Variants in SEC31A observed in about 807,000 individuals in gnomAD.
SEC31A encodes protein transport protein Sec31A.
A neutral mutation model predicts 151.0 loss-of-function variants in SEC31A; 70 were observed. That is an observed-to-expected ratio of 0.46 (90% CI 0.38 to 0.57). The LOEUF (loss-of-function observed/expected upper bound fraction) is 0.57. SEC31A is among the 20% of genes least tolerant of loss of function. SEC31A has a pLI of 0.00. For missense variants in SEC31A, 1,330 were observed against 1,471.2 expected (o/e 0.90, Z 1.57); for synonymous variants, 475 against 505.9 (o/e 0.94, Z 0.82).
At chr4:82,871,852 C>G (rs1736749036) in intron 7 of SEC31A, 92 bp downstream of exon 7, 4 of 1,524,128 alleles carry the variant, frequency 2.6e-6, no homozygotes, top group Non-Finnish European at 8.9e-7. Flanking sequence ...AAAAAAGTTC[C>G]TGTGTCCTAT....
intron 1 of SEC31A, among the ~76,000 whole-genome samples, chr4:82,882,401 C>CAAAAAAAAAAAAAAAAAAA (rs57974382): frequency 1.1e-5 from 1 of 92,480 alleles, no homozygotes; most frequent in African/African-American, 5.2e-5. Context: ...GACTCTATCT[C>CAAAAAAAAAAAAAAAAAAA]AAAAAAAAAA....
At position 82,890,678 on chromosome 4, in the gene SEC31A, C is replaced by CA. The variant is rs916497076; in HGVS notation, c.-5+409dup. On this transcript the variant is annotated intron_variant, in intron 1 of 26. Transcript: ENST00000395310. ...TTTAAATCTGGCAATAGTTCAAGTACAAAAAAAAATCCTAACCAAAGCCAA... is the reference window on the plus strand; with the variant it reads ...TTTAAATCTGGCAATAGTTCAAGTACAAAAAAAAAATCCTAACCAAAGCCAA... 466 of 936,988 alleles carry CA rather than the reference C, an allele frequency of 5.0e-4. 1 individual carries two copies. Among genetic ancestry groups the CA allele is most frequent in the South Asian group, 2.0e-3 (46 of 22,712 alleles). 58.0% of individuals were successfully genotyped at this position (936,988 alleles called of 1,614,324 possible). A position where few individuals can be genotyped will look rare whatever the true frequency, so the allele number is the denominator to read the frequency against.
At chr4:82,875,585 C>T (rs1737733787) in intron 5 of SEC31A, 142 bp downstream of exon 5, 2 of 608,670 alleles carry the variant, frequency 3.3e-6, no homozygotes, top group African/African-American at 1.9e-5. Flanking sequence ...TTATTAATTA[C>T]TGAAGAAAAA....
At chr4:82,842,665 A>G in intron 21 of SEC31A, 184 bp from the exon 22 acceptor site, 1 of 545,176 alleles carries the variant, frequency 1.8e-6, no homozygotes, top group Admixed American at 3.3e-5. Flanking sequence ...CTTGAATTCA[A>G]TAGCTTCAGT....
chr4:82,899,481 T>C (rs1015278960), intron 3 of SEC31A: 2 of 152,254 alleles, frequency 1.3e-5, no homozygotes, highest in Admixed American at 6.5e-5. Context: ...GAAAAGGCTC[T>C]AACAGCCCAA....
At chr4:82,843,477 C>A (rs1423061620) in intron 21 of SEC31A, among the ~76,000 whole-genome samples, 1 of 152,114 alleles carries the variant, frequency 6.6e-6, no homozygotes, top group African/African-American at 2.4e-5. Flanking sequence ...CATTCACATT[C>A]TTTGTGACCA....
chr4:82,842,001 C>CA (rs1337186512), intron 22 of SEC31A, 139 bp downstream of exon 22: 3 of 688,752 alleles, frequency 4.4e-6, no homozygotes, highest in African/African-American at 3.7e-5. Flanking sequence ...ACAAAAAACA[C>CA]AAAAAACAAA....
At chr4:82,843,027 C>T (rs1435703861) in intron 21 of SEC31A, among the ~76,000 whole-genome samples, 1 of 152,006 alleles carries the variant, frequency 6.6e-6, no homozygotes, top group East Asian at 1.9e-4. Context: ...TGATCCCTAA[C>T]AAAATTTTAC....
At chr4:82,847,436 T>A (rs1453134861) in intron 20 of SEC31A, among the ~76,000 whole-genome samples, 1 of 152,216 alleles carries the variant, frequency 6.6e-6, no homozygotes, top group Non-Finnish European at 1.5e-5. Flanking sequence ...GTATAACAAA[T>A]CTTTCAATGT....
At chr4:82,841,549 G>A (rs1184624306) in intron 22 of SEC31A, among the ~76,000 whole-genome samples, 2 of 147,222 alleles carry the variant, frequency 1.4e-5, no homozygotes, top group East Asian at 3.9e-4. Context: ...GCTGAGGCAG[G>A]AGAATCACTT....
intron 22 of SEC31A, among the ~76,000 whole-genome samples, chr4:82,834,586 G>T (rs1008455959): frequency 4.6e-5 from 7 of 152,152 alleles, no homozygotes; most frequent in Non-Finnish European, 1.0e-4. Context: ...AGTTAAAGGA[G>T]GGTGGGGAAG....
Position 82,828,862 on chromosome 4 carries a change from G to A in SEC31A, c.3027+138C>T, listed in dbSNP as rs528224034. 8.6e-6 allele frequency: 5 copies of A among 581,580 alleles called. No individual in the cohort carries two copies. The East Asian group carries it at 1.1e-4, about 13-fold the overall frequency. The allele number at this position is 581,580 out of a possible 1,614,324, so 36.0% of individuals were successfully genotyped here. On this transcript the variant is annotated intron_variant, in intron 23 of 26. Coordinates refer to ENST00000395310, the MANE Select transcript of SEC31A (RefSeq NM_001077207.4). ...TCCTTCCTTCCATGGATTAGAAGGT[G>A]CATGTTGAAATACACTTTAAATACA...
chr4:82,871,294 T>C, intron 7 of SEC31A: 1 of 1,389,350 alleles, frequency 7.2e-7, no homozygotes, highest in Non-Finnish European at 9.3e-7. Context: ...AAAAATTATA[T>C]TGGGATTATA....
At chr4:82,858,522 G>A (rs1283602281) in intron 14 of SEC31A, among the ~76,000 whole-genome samples, 4 of 104,162 alleles carry the variant, frequency 3.8e-5, no homozygotes, top group East Asian at 3.0e-4. Flanking sequence ...CCAGCCTGGC[G>A]ACAGAGCGAG....
At chr4:82,850,312 T>C (rs1731220332) in intron 19 of SEC31A, among the ~76,000 whole-genome samples, 2 of 152,270 alleles carry the variant, frequency 1.3e-5, no homozygotes, top group East Asian at 3.9e-4. Flanking sequence ...AAAACTAGTA[T>C]GCCAAAGTCA....
intron 24 of SEC31A, among the ~76,000 whole-genome samples, chr4:82,826,355 T>C (rs943750869): frequency 2.0e-5 from 3 of 146,714 alleles, no homozygotes; most frequent in Admixed American, 6.8e-5. Context: ...ATATTATCTC[T>C]TTTTGTTGTT....
intron 24 of SEC31A, among the ~76,000 whole-genome samples, chr4:82,826,225 T>C (rs1301101781): frequency 6.6e-6 from 1 of 150,872 alleles, no homozygotes; most frequent in Non-Finnish European, 1.5e-5. Flanking sequence ...TAATCTTTTT[T>C]ATTTTTTTTT....
In SEC31A at chr4:82,857,675, C is replaced by A; in HGVS notation, c.1702+14G>T. 6.6e-7 allele frequency: 1 copy of A among 1,507,820 alleles called. No homozygotes were observed. The highest frequency in any genetic ancestry group is 1.2e-5 in the South Asian group (1 of 85,704). The allele number at this position is 1,507,820 out of a possible 1,614,324, so 93.4% of individuals were successfully genotyped here. On this transcript the variant is annotated intron_variant, in intron 15 of 26. Transcript: ENST00000395310. ...GTTAAAAAAAATTAGAAATCAAAAC[C>A]AACAAGTACTTACCCCCACTGACAG... is the stretch of plus-strand genomic sequence containing the variant.
At chr4:82,898,860 A>G (rs1720171943) in intron 3 of SEC31A, among the ~76,000 whole-genome samples, 1 of 152,218 alleles carries the variant, frequency 6.6e-6, no homozygotes, top group Non-Finnish European at 1.5e-5. Flanking sequence ...TGACTCACCA[A>G]TTCCACTCTT....
Sources: gnomAD v4.1 joint callset for allele counts (sites outside exome capture counted in the v4.1 genomes callset) on GRCh38, gnomAD v4.1.1 for gene constraint, MANE v1.5 for transcripts, NCBI Gene and HGNC (gene_info 2026-07-23, HGNC 2026-07-21) for gene names.